The following KIF15 variants were observed in gnomAD, a reference collection of about 807,000 sequenced individuals.
KIF15 encodes the protein kinesin-like protein KIF15.
A neutral mutation model predicts 190.6 loss-of-function variants in KIF15; 140 were observed. The observed-to-expected ratio is 0.73, with a 90% confidence interval of 0.64 to 0.84. The LOEUF (loss-of-function observed/expected upper bound fraction) is 0.84, where lower values mean the gene tolerates loss of function less well. Among genes scored for constraint, KIF15 ranks in the 40% least tolerant of loss-of-function variants. The pLI, the probability that KIF15 is intolerant of heterozygous loss-of-function variation, is 0.00. For missense variants in KIF15, 1,372 were observed against 1,584.4 expected, an observed-to-expected ratio of 0.87 and a Z score of 2.28; for synonymous variants, 528 against 551.3, an observed-to-expected ratio of 0.96 and a Z score of 0.59.
intron 20 of KIF15, among the ~76,000 whole-genome samples, chr3:44,821,625 T>C (rs1697329512): frequency 6.6e-6 from 1 of 150,720 alleles, no homozygotes; most frequent in African/African-American, 2.5e-5. Flanking sequence ...GAAGAGGCGC[T>C]CCTCACTTTC....
intron 6 of KIF15, among the ~76,000 whole-genome samples, chr3:44,858,678 AC>A (rs1422649799): frequency 1.3e-5 from 2 of 152,202 alleles, no homozygotes; most frequent in East Asian, 3.8e-4. Flanking sequence ...AGTGGGGATA[AC>A]TAAAAAGGAG....
intron 26 of KIF15, 111 bp downstream of exon 26, chr3:44,831,129 C>A: frequency 8.1e-7 from 1 of 1,234,752 alleles, no homozygotes; most frequent in South Asian, 1.5e-5. Flanking sequence ...AGAAATAATT[C>A]TTATACAGCT....
At chr3:44,855,659 AT>A, downstream of KIF15, among the ~76,000 whole-genome samples, 1 of 152,080 alleles carries the variant, frequency 6.6e-6, no homozygotes, top group East Asian at 1.9e-4. Flanking sequence ...TTGAAGAAAG[AT>A]TTTGGGGTGA....
intron 16 of KIF15, among the ~76,000 whole-genome samples, chr3:44,808,003 A>G (rs558266583): frequency 2.6e-4 from 39 of 152,066 alleles, no homozygotes; most frequent in African/African-American, 8.9e-4. Flanking sequence ...TGGCATGATC[A>G]TGGCTCACTG....
At chr3:44,789,562 T>A (rs1426695988) in intron 7 of KIF15, among the ~76,000 whole-genome samples, 5 of 149,868 alleles carry the variant, frequency 3.3e-5, no homozygotes, top group Non-Finnish European at 7.4e-5. Flanking sequence ...GTCCGTGTAA[T>A]CTATTGATAC....
Position 44,830,155 on chromosome 3 carries a change from A to G in KIF15, c.3048+80A>G, listed in dbSNP as rs1697996000. On this transcript the variant is annotated intron_variant, in intron 25 of 34. Transcript: ENST00000326047. ...TTTTCAAGAGTTTAACAGATGCTCC[A>G]CCAGAAAAAAGATTCTGTGGTCAAA... 5.0e-6 allele frequency: 3 copies of G among 595,678 alleles called. No individual in the cohort carries two copies. In the East Asian group the frequency reaches 1.0e-4, roughly 21 times the overall value. The allele number at this position is 595,678 out of a possible 1,614,324, so 36.9% of individuals were successfully genotyped here.
At chr3:44,807,352 G>A (rs984484676) in intron 16 of KIF15, among the ~76,000 whole-genome samples, 2 of 151,846 alleles carry the variant, frequency 1.3e-5, no homozygotes, top group Non-Finnish European at 2.9e-5. Context: ...TGCCTCCCGA[G>A]TAGTTGGGAT....
chr3:44,862,065 C>G, intron 6 of KIF15: 1 of 1,238,560 alleles, frequency 8.1e-7, no homozygotes, highest in Non-Finnish European at 1.0e-6. Flanking sequence ...TGTGCGCCGG[C>G]GCGTTCGGGG....
At chr3:44,860,726 T>C (rs1375115376) in intron 6 of KIF15, among the ~76,000 whole-genome samples, 1 of 152,116 alleles carries the variant, frequency 6.6e-6, no homozygotes, top group Non-Finnish European at 1.5e-5. Context: ...AGCAGCATGG[T>C]GTGGAAGGAC....
intron 6 of KIF15, among the ~76,000 whole-genome samples, chr3:44,785,657 C>T (rs1706368544): frequency 6.6e-6 from 1 of 152,178 alleles, no homozygotes; most frequent in Non-Finnish European, 1.5e-5. Flanking sequence ...AATTGTATGG[C>T]AGTGAAATAA....
intron 6 of KIF15, among the ~76,000 whole-genome samples, chr3:44,868,658 T>A (rs146688240): frequency 6.6e-6 from 1 of 152,276 alleles, no homozygotes; most frequent in Non-Finnish European, 1.5e-5. Flanking sequence ...TGCAGAACTG[T>A]GAGAAAATAA....
chr3:44,780,814 C>A (rs1706126382), intron 4 of KIF15, 71 bp from the exon 5 acceptor site: 2 of 960,724 alleles, frequency 2.1e-6, no homozygotes, highest in Admixed American at 2.4e-5. Context: ...AACTTATACA[C>A]TAGTATTATA....
At chr3:44,862,168 GCCGCT>G in intron 6 of KIF15, 1 of 1,039,470 alleles carries the variant, frequency 9.6e-7, no homozygotes, top group Non-Finnish European at 1.2e-6. Context: ...CGGGCGGGGC[GCCGCT>G]GGGCGGAGGA....
chr3:44,829,363 T>A (rs1048670011), intron 24 of KIF15, among the ~76,000 whole-genome samples: 40 of 132,122 alleles, frequency 3.0e-4, no homozygotes, highest in African/African-American at 7.1e-4. Flanking sequence ...TCTCAAAAAA[T>A]ATATATATAT....
At position 44,840,441 on chromosome 3, in the gene KIF15, T is replaced by C. The variant is rs1483054622; in HGVS notation, c.3405T>C (p.Ala1135=). 5.6e-6 allele frequency: 9 copies of C among 1,598,150 alleles called. No homozygotes were observed. Among genetic ancestry groups the C allele is most frequent in the Non-Finnish European group, 7.7e-6 (9 of 1,168,026 alleles). Residue 1135 remains alanine (A), a synonymous_variant, in exon 28 of 35, where the codon GCT becomes GCC. Transcript: ENST00000326047. ...MRQLEHVMDS[A]AEDPQSPKTP... Reference sequence around the variant, plus strand: ...AACTAGAACATGTGATGGATTCTGCTGCTGAGGATCCCCAGGTACTTTTCA... The same window carrying C: ...AACTAGAACATGTGATGGATTCTGCCGCTGAGGATCCCCAGGTACTTTTCA...
rs767897657 is a variant in KIF15, at chr3:44,838,370, C to T, written c.3267C>T (p.Ala1089=). ...SKKHSGLLQS[A]QEELTKKEAL... is the part of the protein sequence containing the mutation. ...AACACTCGGGGCTGCTGCAGTCTGC[C>T]CAGGAAGAACTGACCAAGAAGGAAG... Residue 1089 remains alanine, a synonymous_variant, in exon 27 of 35, where the codon GCC becomes GCT. Coordinates refer to ENST00000326047, the MANE Select transcript of KIF15 (RefSeq NM_020242.3). 1.2e-6 allele frequency: 2 copies of T among 1,613,944 alleles called. No individual in the cohort carries two copies. The highest frequency in any genetic ancestry group is 1.7e-5 in the Admixed American group (1 of 59,972).
intron 1 of KIF15, among the ~76,000 whole-genome samples, chr3:44,770,972 A>G (rs1485573194): frequency 6.6e-6 from 1 of 152,222 alleles, no homozygotes; most frequent in African/African-American, 2.4e-5. Context: ...CTTGATATTC[A>G]TGAACATTTC....
At position 44,848,529 on chromosome 3, in the gene KIF15, A is replaced by T; in HGVS notation, c.3777A>T (p.Ile1259=). The T allele has an allele frequency of 8.5e-7, 1 of 1,173,440 alleles. No homozygotes were observed. Among genetic ancestry groups the T allele is most frequent in the Non-Finnish European group, 1.2e-6 (1 of 809,924 alleles). 72.7% of individuals were successfully genotyped at this position (1,173,440 alleles called of 1,614,324 possible). Residue 1259 remains isoleucine (I), a synonymous_variant, in exon 32 of 35, where the codon ATA becomes ATT. Coordinates refer to ENST00000326047, the MANE Select transcript of KIF15 (RefSeq NM_020242.3). The stretch of plus-strand genomic sequence containing the variant: ...TTTTAATCTTCTTATAGAGTAAAAT[A>T]GTTGAAGAAATGCTGAAAATGAAAG... ...SIKERLAKSK[I]VEEMLKMKAD...
At chr3:44,829,689 TAG>T (rs1186910337) in intron 24 of KIF15, among the ~76,000 whole-genome samples, 20 of 125,008 alleles carry the variant, frequency 1.6e-4, no homozygotes, top group African/African-American at 5.9e-4. Context: ...ATATATATTA[TAG>T]ATGTATATAT....
Sources: gnomAD v4.1 joint callset for allele counts (sites outside exome capture counted in the v4.1 genomes callset) on GRCh38, gnomAD v4.1.1 for gene constraint, MANE v1.5 for transcripts, NCBI Gene and HGNC (gene_info 2026-07-23, HGNC 2026-07-21) for gene names.